COL5A3: variants seen among roughly 807,000 people sequenced by gnomAD.
COL5A3 encodes collagen alpha-3(V) chain.
Under a neutral mutation model 250.0 loss-of-function variants are expected in COL5A3, and 172 were observed. The observed-to-expected ratio is 0.69, with a 90% confidence interval of 0.61 to 0.78. COL5A3 has a LOEUF of 0.78. COL5A3 is among the 30% of genes least tolerant of loss of function. COL5A3 has a pLI of 0.00. For synonymous variants in COL5A3, 937 were observed against 900.4 expected (o/e 1.04, Z -0.73); for missense variants, 2,340 against 2,334.4 (o/e 1.00, Z -0.05).
At chr19:9,999,572 A>T (rs1348351540) in intron 8 of COL5A3, among the ~76,000 whole-genome samples, 5 of 142,672 alleles carry the variant, frequency 3.5e-5, no homozygotes, top group Non-Finnish European at 7.5e-5. Flanking sequence ...GGTTCACGCC[A>T]TTCTGCCTCA....
rs908404886 is a variant in COL5A3 at position 10,006,151 on chromosome 19, T to C, written c.169A>G (p.Arg57Gly). 6 of 1,612,078 alleles carry C rather than the reference T, an allele frequency of 3.7e-6. No individual in the cohort carries two copies. Among genetic ancestry groups the C allele is most frequent in the African/African-American group, 1.3e-5 (1 of 74,886 alleles). ...VPEGPGFCPQ[R>G]TPEGDRAFRI... The stretch of plus-strand genomic sequence containing the variant: ...AATGCCCGGTCACCCTCTGGAGTCC[T>C]CTGGGGACAGAAGCCAGGCCCCTCG... The change falls in exon 2 of 67, where the codon AGG becomes GGG. Residue 57 changes from arginine to glycine, a missense_variant. Around this residue, in one of 3 missense-constraint regions of COL5A3, gnomAD observed 1,152 missense variants for 1,146.3 expected, o/e 1.00. Coordinates refer to ENST00000264828, the MANE Select transcript of COL5A3 (RefSeq NM_015719.4).
intron 8 of COL5A3, among the ~76,000 whole-genome samples, chr19:10,000,450 CTCT>C (rs2087343635): frequency 2.1e-5 from 2 of 95,758 alleles, no homozygotes; most frequent in Non-Finnish European, 4.5e-5. Flanking sequence ...AGCCAGAGAG[CTCT>C]TTTTTTTTTT....
intron 1 of COL5A3, among the ~76,000 whole-genome samples, chr19:10,006,554 C>G (rs1409922084): frequency 6.6e-6 from 1 of 152,182 alleles, no homozygotes; most frequent in Non-Finnish European, 1.5e-5. Flanking sequence ...AACGGTCCCC[C>G]TCTCCCTGCT....
At chr19:10,004,635 C>G (rs1227815724) in intron 4 of COL5A3, among the ~76,000 whole-genome samples, 1 of 152,148 alleles carries the variant, frequency 6.6e-6, no homozygotes, top group East Asian at 1.9e-4. Context: ...CCGGCCAAGA[C>G]CATAAATTGT....
chr19:9,972,255 T>G (rs944379985), intron 51 of COL5A3, among the ~76,000 whole-genome samples: 2 of 152,238 alleles, frequency 1.3e-5, no homozygotes, highest in African/African-American at 4.8e-5. Context: ...TTATTCATTT[T>G]TCCATTAATT....
intron 5 of COL5A3, 121 bp from the exon 6 acceptor site, chr19:10,003,835 G>A (rs2087399044): frequency 7.4e-7 from 1 of 1,351,396 alleles, no homozygotes; most frequent in African/African-American, 1.4e-5. Context: ...GTGACCTGGA[G>A]TCAACGTTAT....
At chr19:9,981,454 C>T (rs1004583074) in intron 32 of COL5A3, among the ~76,000 whole-genome samples, 1 of 152,156 alleles carries the variant, frequency 6.6e-6, no homozygotes, top group Non-Finnish European at 1.5e-5. Flanking sequence ...CAATCCACAG[C>T]CTGAAGATGA....
chr19:10,001,349 G>A (rs779538089), intron 8 of COL5A3, among the ~76,000 whole-genome samples, 175 bp downstream of exon 8: 1 of 152,050 alleles, frequency 6.6e-6, no homozygotes, highest in African/African-American at 2.4e-5. Context: ...ATTTCACCAC[G>A]TTGGTCAGGC....
chr19:9,981,406 T>A (rs2087006571), intron 32 of COL5A3, among the ~76,000 whole-genome samples: 1 of 152,226 alleles, frequency 6.6e-6, no homozygotes, highest in Non-Finnish European at 1.5e-5. Context: ...CTGTGCAGTA[T>A]GCATACATGA....
chr19:9,997,203 A>G, intron 11 of COL5A3, 168 bp downstream of exon 11: 1 of 663,946 alleles, frequency 1.5e-6, no homozygotes, highest in Admixed American at 2.4e-5. Context: ...CACAAGGTGA[A>G]CCAGAGAAAT....
chr19:9,996,912 G>C, intron 11 of COL5A3: 1 of 558,710 alleles, frequency 1.8e-6, no homozygotes. Context: ...GGGAGAGAGG[G>C]ATGGAGAAGG....
intron 23 of COL5A3, 51 bp downstream of exon 23, chr19:9,991,734 TAAG>T: frequency 6.3e-7 from 1 of 1,597,684 alleles, no homozygotes. Context: ...GGTCACGGTC[TAAG>T]GTCTTAACTG....
Position 10,010,423 on chromosome 19 carries a change from G to A in COL5A3, c.-38C>T. 1 of 1,293,576 alleles carries A rather than the reference G, an allele frequency of 7.7e-7. No individual in the cohort carries two copies. Among genetic ancestry groups the A allele is most frequent in the Non-Finnish European group, 1.0e-6 (1 of 1,001,742 alleles). 80.1% of individuals were successfully genotyped at this position (1,293,576 alleles called of 1,614,324 possible). A position where few individuals can be genotyped will look rare whatever the true frequency, so the allele number is the denominator to read the frequency against. On this transcript the variant is annotated 5_prime_UTR_variant, in exon 1 of 67. Transcript: ENST00000264828. ...CACGGGCAAGGCGGGGAACCAGTCGGGGCGGCTGCGGGGCGCGGCGACTTC... is the reference window on the plus strand; with the variant it reads ...CACGGGCAAGGCGGGGAACCAGTCGAGGCGGCTGCGGGGCGCGGCGACTTC...
At position 9,983,588 on chromosome 19, in the gene COL5A3, GAAAGAAAGAA is replaced by G. The variant is rs1568418786; in HGVS notation, c.2407-1480_2407-1471del. Among the ~76,000 whole-genome samples, 145 of 73,164 alleles carry G rather than the reference GAAAGAAAGAA, an allele frequency of 2.0e-3. 7 individuals are homozygous for G. Among genetic ancestry groups the G allele is most frequent in the African/African-American group, 6.6e-3 (130 of 19,764 alleles). 48.0% of individuals were successfully genotyped at this position (73,164 alleles called of 152,430 possible). ...AGAAAGAAAGAAAGAAAGAAAGAAA[GAAAGAAAGAA>G]AGAGAAAGAGAGAGAGAGAGAAAGA... On this transcript the variant is annotated intron_variant, in intron 31 of 66. Coordinates refer to ENST00000264828, the MANE Select transcript of COL5A3 (RefSeq NM_015719.4).
At chr19:9,981,051 G>A in intron 33 of COL5A3, 37 bp downstream of exon 33, 4 of 1,606,302 alleles carry the variant, frequency 2.5e-6, no homozygotes, top group Non-Finnish European at 3.4e-6. Context: ...CTGTCCCCAA[G>A]TCCCAGCAGG....
Position 9,977,295 on chromosome 19 carries a change from T to A in COL5A3, c.3235-13A>T. 1 of 1,613,876 alleles carries A rather than the reference T, an allele frequency of 6.2e-7. No homozygotes were observed. Among genetic ancestry groups the A allele is most frequent in the Non-Finnish European group, 8.5e-7 (1 of 1,179,896 alleles). ...CACCCACATCCCCCTGCAGAGGAAATGGGATGAAGGACCCAGCTTCCATTC... is the reference window on the plus strand; with the variant it reads ...CACCCACATCCCCCTGCAGAGGAAAAGGGATGAAGGACCCAGCTTCCATTC... On this transcript the variant is annotated splice_polypyrimidine_tract_variant and intron_variant, in intron 43 of 66. Transcript: ENST00000264828.
At position 9,979,777 on chromosome 19, in the gene COL5A3, C is replaced by T. The variant is rs1451460436; in HGVS notation, c.2712+62G>A. ...CTCTAGCCCAGGTGACAGAGTGAGA[C>T]TCTGTCTCAAAAAGAAAAAAAAAAA... On this transcript the variant is annotated intron_variant, in intron 37 of 66. Transcript: ENST00000264828. 98 of 1,471,092 alleles carry T rather than the reference C, an allele frequency of 6.7e-5. 2 individuals are homozygous for T. In the Admixed American group the frequency reaches 2.0e-3, roughly 29 times the overall value. 91.1% of individuals were successfully genotyped at this position (1,471,092 alleles called of 1,614,324 possible). A position where few individuals can be genotyped will look rare whatever the true frequency, so the allele number is the denominator to read the frequency against.
chr19:9,994,067 C>G (rs1221983339), intron 16 of COL5A3, among the ~76,000 whole-genome samples: 1 of 152,098 alleles, frequency 6.6e-6, no homozygotes, highest in Non-Finnish European at 1.5e-5. Flanking sequence ...CACCCTGTTG[C>G]TCAGGCTAGT....
At chr19:9,995,228 T>A (rs1389052290) in intron 16 of COL5A3, among the ~76,000 whole-genome samples, 1 of 152,152 alleles carries the variant, frequency 6.6e-6, no homozygotes, top group Non-Finnish European at 1.5e-5. Flanking sequence ...TAAGCATCAT[T>A]ATGTGGTGCA....
Sources: gnomAD v4.1 joint callset for allele counts (sites outside exome capture counted in the v4.1 genomes callset) on GRCh38, gnomAD v4.1.1 for gene constraint, gnomAD v4.1.1 regional missense constraint, MANE v1.5 for transcripts, NCBI Gene and HGNC (gene_info 2026-07-23, HGNC 2026-07-21) for gene names.